SNX8: variants seen among roughly 807,000 people sequenced by gnomAD.
SNX8 encodes the protein sorting nexin 8.
A neutral mutation model predicts 51.6 loss-of-function variants in SNX8; 25 were observed. The observed-to-expected ratio is 0.48, with a 90% CI of 0.35 to 0.68. The LOEUF is 0.68. Ranked by LOEUF, SNX8 falls within the 30% of genes least tolerant of loss-of-function variation. The probability of loss-of-function intolerance (pLI) is 0.00; values close to 1 mark genes in which losing one functional copy is unlikely to be tolerated. For synonymous variants in SNX8, 324 were observed against 277.0 expected, an observed-to-expected ratio of 1.17 and a Z score of -1.68; for missense variants, 695 against 624.0, an observed-to-expected ratio of 1.11 and a Z score of -1.21.
chr7:2,322,133 G>C (rs1207332219), intron 1 of SNX8, among the ~76,000 whole-genome samples: 1 of 152,174 alleles, frequency 6.6e-6, no homozygotes, highest in African/African-American at 2.4e-5. Context: ...TAGGAAAATG[G>C]GAACTAGCTG....
At chr7:2,326,986 T>C (rs959057555) in intron 1 of SNX8, among the ~76,000 whole-genome samples, 1 of 152,128 alleles carries the variant, frequency 6.6e-6, no homozygotes, top group Admixed American at 6.6e-5. Context: ...ATTACGAACT[T>C]GGTGGCTTGA....
At position 2,351,905 on chromosome 7, in the gene SNX8, GTTTTTT is replaced by G. The variant is rs748043966; in HGVS notation, c.-66+2311_-66+2316del. 6.8e-5 allele frequency among the ~76,000 whole-genome samples: 6 copies of G among 88,336 alleles called. No individual in the cohort carries two copies. The East Asian group carries it at 2.3e-3, about 34-fold the overall frequency. The allele number at this position is 88,336 out of a possible 152,430, so 58.0% of individuals were successfully genotyped here. A position where few individuals can be genotyped will look rare whatever the true frequency, so the allele number is the denominator to read the frequency against. On this transcript the variant is annotated intron_variant, in intron 1 of 5. Coordinates refer to the SNX8 transcript ENST00000435336. ...GAGTAAGTTTTTGTTGTTGTTGTTG[GTTTTTT>G]TTTTTTTTTTTTTTTGAGATGGATT...
At chr7:2,325,923 A>C (rs1470084889) in intron 1 of SNX8, among the ~76,000 whole-genome samples, 1 of 152,190 alleles carries the variant, frequency 6.6e-6, no homozygotes, top group African/African-American at 2.4e-5. Flanking sequence ...CCCATTATGT[A>C]GTCTCAGAAA....
chr7:2,332,122 G>A (rs999147716), intron 1 of SNX8, among the ~76,000 whole-genome samples: 6 of 151,608 alleles, frequency 4.0e-5, no homozygotes, highest in African/African-American at 1.5e-4. Flanking sequence ...TGGGAGGATC[G>A]CTTGAGCCTC....
chr7:2,262,420 C>A (rs912250887), intron 7 of SNX8, among the ~76,000 whole-genome samples: 2 of 152,192 alleles, frequency 1.3e-5, no homozygotes, highest in Non-Finnish European at 2.9e-5. Flanking sequence ...CAAACTGATC[C>A]CAAATGACTC....
chr7:2,309,355 G>A (rs1438546978), intron 1 of SNX8, among the ~76,000 whole-genome samples: 2 of 152,150 alleles, frequency 1.3e-5, no homozygotes, highest in East Asian at 3.9e-4. Context: ...GCGAAACTTC[G>A]TCTCTACTAA....
chr7:2,299,727 G>C (rs928750135), intron 1 of SNX8, among the ~76,000 whole-genome samples: 1 of 152,048 alleles, frequency 6.6e-6, no homozygotes, highest in Non-Finnish European at 1.5e-5. Context: ...GTCTGAAAGT[G>C]ACTCCGGTTT....
chr7:2,351,302 AGCACTTTGGGAG>A, intron 1 of SNX8, among the ~76,000 whole-genome samples: 1 of 152,144 alleles, frequency 6.6e-6, no homozygotes, highest in Non-Finnish European at 1.5e-5. Context: ...TCATGCCTGT[AGCACTTTGGGAG>A]GCAGAGTTGG....
chr7:2,268,855 G>A (rs1214016939), intron 5 of SNX8, among the ~76,000 whole-genome samples: 1 of 29,682 alleles, frequency 3.4e-5, no homozygotes, highest in African/African-American at 8.2e-5. Flanking sequence ...GAGGGAGGTG[G>A]GGGGGTCAGC....
At chr7:2,258,674 G>A (rs2115092778) in intron 7 of SNX8, among the ~76,000 whole-genome samples, 1 of 152,224 alleles carries the variant, frequency 6.6e-6, no homozygotes, top group East Asian at 1.9e-4. Context: ...AGAGACAGCA[G>A]CTGCAGGAAG....
At chr7:2,347,241 G>A (rs1284520586) in intron 1 of SNX8, among the ~76,000 whole-genome samples, 1 of 152,078 alleles carries the variant, frequency 6.6e-6, no homozygotes, top group African/African-American at 2.4e-5. Context: ...CAGCACTTTG[G>A]GAGGCCGAGG....
chr7:2,255,095 T>C lies in SNX8; in HGVS notation c.1359A>G (p.Pro453=), dbSNP rs1192224730. Residue 453 remains proline (P), a synonymous_variant, in exon 11 of 11, where the codon CCA becomes CCG. Coordinates refer to ENST00000222990, the MANE Select transcript of SNX8 (RefSeq NM_013321.4). Reference sequence around the variant, plus strand: ...GGCCGTCCTCCGGCGGGGAGCACGGTGGGGTCAGGGTGCTGTGTGGTCCCG... The same window carrying C: ...GGCCGTCCTCCGGCGGGGAGCACGGCGGGGTCAGGGTGCTGTGTGGTCCCG... ...LFAGPHSTLT[P]PCSPPEDGLC... The C allele has an allele frequency of 1.3e-6, 2 of 1,580,110 alleles. No individual in the cohort carries two copies. The highest frequency in any genetic ancestry group is 2.3e-5 in the South Asian group (2 of 86,142).
rs200536110 is a variant in SNX8 at position 2,291,330 on chromosome 7, G to A, written c.95-13025C>T. Among the ~76,000 whole-genome samples, 8 of 152,156 alleles carry A rather than the reference G, an allele frequency of 5.3e-5. No individual in the cohort carries two copies. In the East Asian group the frequency reaches 1.5e-3, roughly 29 times the overall value. ...AAAAGAAACTAGGCCGGATGTGGTG[G>A]ACTACACCTGTAATCCCAGCACTTT... On this transcript the variant is annotated intron_variant, in intron 1 of 10. Coordinates refer to ENST00000222990, the MANE Select transcript of SNX8 (RefSeq NM_013321.4).
At chr7:2,351,902 T>G (rs1308151361) in intron 1 of SNX8, among the ~76,000 whole-genome samples, 4 of 91,666 alleles carry the variant, frequency 4.4e-5, no homozygotes, top group Non-Finnish European at 7.3e-5. Flanking sequence ...GTTGTTGTTG[T>G]TGGTTTTTTT....
At chr7:2,274,244 T>C (rs994063002) in intron 3 of SNX8, among the ~76,000 whole-genome samples, 1 of 152,218 alleles carries the variant, frequency 6.6e-6, no homozygotes, top group Non-Finnish European at 1.5e-5. Context: ...CCTGGGCTGC[T>C]TGCTCAGTGA....
intron 1 of SNX8, among the ~76,000 whole-genome samples, chr7:2,327,703 G>A (rs1353985649): frequency 2.0e-5 from 3 of 147,220 alleles, no homozygotes; most frequent in Admixed American, 6.8e-5. Context: ...CATCGCACCC[G>A]GCCTAATTTT....
At position 2,290,275 on chromosome 7, in the gene SNX8, C is replaced by A. The variant is rs570125997; in HGVS notation, c.95-11970G>T. Among the ~76,000 whole-genome samples the A allele has an allele frequency of 3.9e-5, 6 of 152,188 alleles. No homozygotes were observed. The East Asian group carries it at 9.7e-4, about 25-fold the overall frequency. On this transcript the variant is annotated intron_variant, in intron 1 of 10. Transcript: ENST00000222990. ...CAGCACTTTTGGAGGCCAAGATGGG[C>A]GGATCACTGGAGGCCTGGAGTTCGA... is the stretch of plus-strand genomic sequence containing the variant.
upstream of SNX8, among the ~76,000 whole-genome samples, chr7:2,318,274 G>C (rs1796785154): frequency 1.3e-5 from 2 of 152,216 alleles, no homozygotes; most frequent in African/African-American, 4.8e-5. Context: ...TTTGTAGCCA[G>C]GCACAGTTGC....
chr7:2,275,149 A>C lies in SNX8; in HGVS notation c.381T>G (p.Arg127=). 1 of 1,614,002 alleles carries C rather than the reference A, an allele frequency of 6.2e-7. No individual in the cohort carries two copies. Among genetic ancestry groups the C allele is most frequent in the Non-Finnish European group, 8.5e-7 (1 of 1,179,880 alleles). Residue 127 remains arginine, a synonymous_variant, in exon 3 of 11, where the codon CGT becomes CGG. Transcript: ENST00000222990. ...TCTTGGGTGGCAGGGCAGGCACCAT[A>C]CGGTAGGGGAACTTGTGCAGGAGCA... The part of the protein sequence containing the change: ...QEMLLHKFPY[R]MVPALPPKRM...
Sources: gnomAD v4.1 joint callset for allele counts (sites outside exome capture counted in the v4.1 genomes callset) on GRCh38, gnomAD v4.1.1 for gene constraint, MANE v1.5 for transcripts, NCBI Gene and HGNC (gene_info 2026-07-23, HGNC 2026-07-21) for gene names.